DAB1: variants seen among roughly 807,000 people sequenced by gnomAD.
The protein encoded by DAB1 is disabled homolog 1.
In DAB1, 15 loss-of-function variants were observed where a neutral mutation model predicts 64.6. That is an observed-to-expected ratio of 0.23 (90% confidence interval 0.16 to 0.36). DAB1 has a LOEUF of 0.36. Among genes scored for constraint, DAB1 ranks in the 10% least tolerant of loss-of-function variants. The probability of loss-of-function intolerance (pLI) is 1.00; values close to 1 mark genes in which losing one functional copy is unlikely to be tolerated. For synonymous variants in DAB1, 235 were observed against 251.9 expected (o/e 0.93, Z 0.64); for missense variants, 596 against 706.7 (o/e 0.84, Z 1.78).
intron 3 of DAB1, among the ~76,000 whole-genome samples, chr1:58,401,460 C>T (rs564007283): frequency 2.0e-5 from 3 of 151,704 alleles, no homozygotes; most frequent in East Asian, 1.9e-4. Context: ...TCTTTGCTCA[C>T]AAAACTGTAA....
intron 3 of DAB1, among the ~76,000 whole-genome samples, chr1:58,475,078 T>C (rs1463724477): frequency 6.6e-6 from 1 of 152,152 alleles, no homozygotes; most frequent in African/African-American, 2.4e-5. Context: ...GATTTAAACA[T>C]TAGAATGTAG....
At chr1:58,191,825 A>G (rs1431205126) in intron 4 of DAB1, among the ~76,000 whole-genome samples, 1 of 152,222 alleles carries the variant, frequency 6.6e-6, no homozygotes, top group African/African-American at 2.4e-5. Flanking sequence ...AGGCTGGTAC[A>G]CAGAAGGACC....
intron 4 of DAB1, among the ~76,000 whole-genome samples, chr1:58,241,273 C>T (rs1412157305): frequency 6.6e-6 from 1 of 151,824 alleles, no homozygotes; most frequent in Non-Finnish European, 1.5e-5. Flanking sequence ...CCATGTGATG[C>T]CATATACACA....
exon 2 of DAB1, chr1:58,527,325 T>C: frequency 1.1e-6 from 1 of 872,060 alleles, no homozygotes; most frequent in South Asian, 1.3e-5. Flanking sequence ...GTATGGTCTA[T>C]TAAACATATA....
intron 3 of DAB1, among the ~76,000 whole-genome samples, chr1:58,383,728 G>A (rs2100549269): frequency 6.6e-6 from 1 of 152,134 alleles, no homozygotes; most frequent in Middle Eastern, 3.4e-3. Context: ...AGGCTTCCCT[G>A]ACCCTATACT....
intron 1 of DAB1, among the ~76,000 whole-genome samples, chr1:57,326,849 C>T (rs1215351434): frequency 1.3e-5 from 2 of 152,164 alleles, no homozygotes; most frequent in African/African-American, 4.8e-5. Context: ...TACCATCACA[C>T]TGGGGGCTTA....
At chr1:57,377,741 C>A (rs1396152652) in intron 1 of DAB1, among the ~76,000 whole-genome samples, 2 of 152,096 alleles carry the variant, frequency 1.3e-5, no homozygotes, top group Non-Finnish European at 2.9e-5. Flanking sequence ...AGCTGAGTAA[C>A]CTTAGGTTTC....
chr1:58,305,210 G>T (rs1286205414), intron 4 of DAB1, among the ~76,000 whole-genome samples: 1 of 152,138 alleles, frequency 6.6e-6, no homozygotes, highest in Non-Finnish European at 1.5e-5. Context: ...GGGACTTCAG[G>T]TGTGGATAAC....
At chr1:57,398,045 G>A (rs1469635593) in intron 1 of DAB1, among the ~76,000 whole-genome samples, 3 of 152,124 alleles carry the variant, frequency 2.0e-5, no homozygotes, top group East Asian at 3.9e-4. Flanking sequence ...TGGTAAAATT[G>A]TTAACAACAA....
intron 7 of DAB1, among the ~76,000 whole-genome samples, chr1:57,471,964 C>T (rs1177812408): frequency 6.6e-6 from 1 of 152,150 alleles, no homozygotes; most frequent in Admixed American, 6.5e-5. Flanking sequence ...CTGGAGAAAT[C>T]AAGTCTTGCA....
chr1:58,418,805 G>T (rs1644745552), intron 3 of DAB1, among the ~76,000 whole-genome samples: 1 of 152,154 alleles, frequency 6.6e-6, no homozygotes, highest in Non-Finnish European at 1.5e-5. Flanking sequence ...TAAGTTGCAA[G>T]AGGGATATTA....
chr1:57,650,184 C>T (rs1348015135), intron 6 of DAB1, among the ~76,000 whole-genome samples: 1 of 152,148 alleles, frequency 6.6e-6, no homozygotes, highest in Non-Finnish European at 1.5e-5. Context: ...GTTGCCCACA[C>T]TGAAGTGTGG....
rs541675042 is a variant in DAB1 at position 57,204,366 on chromosome 1, G to A, written c.68-58937C>T. ...TAACCAGTTACTCAGGCTCTTCCCT[G>A]ATCTCTCACACCTACGCAGACCCTA... On this transcript the variant is annotated intron_variant, in intron 2 of 14. Transcript: ENST00000371236. 1.5e-4 allele frequency among the ~76,000 whole-genome samples: 22 copies of A among 149,990 alleles called. No homozygotes were observed. In the South Asian group the frequency reaches 4.0e-3, roughly 28 times the overall value.
intron 6 of DAB1, among the ~76,000 whole-genome samples, chr1:57,667,973 C>A (rs75534414): frequency 4.0e-5 from 6 of 151,762 alleles, no homozygotes; most frequent in African/African-American, 1.5e-4. Context: ...CAGCAAACCA[C>A]CATGTCACAT....
intron 7 of DAB1, among the ~76,000 whole-genome samples, chr1:57,481,907 A>G (rs911421446): frequency 6.6e-6 from 1 of 152,158 alleles, no homozygotes; most frequent in Admixed American, 6.5e-5. Context: ...TCATTTCCTA[A>G]GTTTCTTTAA....
intron 4 of DAB1, among the ~76,000 whole-genome samples, chr1:58,323,155 G>T (rs1303651412): frequency 6.6e-6 from 1 of 151,498 alleles, no homozygotes; most frequent in Non-Finnish European, 1.5e-5. Flanking sequence ...CGACTTAATG[G>T]GTGCAGCACA....
intron 5 of DAB1, among the ~76,000 whole-genome samples, chr1:58,068,152 T>G (rs1160391146): frequency 6.6e-6 from 1 of 152,148 alleles, no homozygotes; most frequent in Non-Finnish European, 1.5e-5. Context: ...AGAGCACTAG[T>G]GCAGATGAGA....
At chr1:58,104,626 C>T (rs892959352) in intron 5 of DAB1, among the ~76,000 whole-genome samples, 9 of 152,152 alleles carry the variant, frequency 5.9e-5, no homozygotes, top group Admixed American at 5.9e-4. Context: ...TCCCAAATCC[C>T]GAGCCTTCCT....
intron 5 of DAB1, among the ~76,000 whole-genome samples, chr1:58,058,675 T>C (rs1030251547): frequency 6.6e-6 from 1 of 152,164 alleles, no homozygotes; most frequent in African/African-American, 2.4e-5. Flanking sequence ...GATGCGGGCT[T>C]CTTGGATAAG....
Sources: allele counts gnomAD v4.1 joint callset (sites outside exome capture counted in the v4.1 genomes callset), GRCh38; gene constraint gnomAD v4.1.1; transcripts MANE v1.5; gene names NCBI Gene and HGNC (gene_info 2026-07-23, HGNC 2026-07-21).